SH3RF2: variants seen among roughly 807,000 people sequenced by gnomAD.
The protein encoded by SH3RF2 is E3 ubiquitin-protein ligase SH3RF2.
SH3RF2 carries 43 observed loss-of-function variants against 59.0 expected under a neutral mutation model. The ratio of observed to expected loss-of-function variants is 0.73; its 90% CI spans 0.57 to 0.94. SH3RF2 has a LOEUF of 0.94. Among genes scored for constraint, SH3RF2 ranks in the 40% least tolerant of loss-of-function variants. The pLI is 0.00. For synonymous variants in SH3RF2, 391 were observed against 391.5 expected, an observed-to-expected ratio of 1.00 and a Z score of 0.01; for missense variants, 930 against 940.1, an observed-to-expected ratio of 0.99 and a Z score of 0.14.
At chr5:145,986,644 G>A (rs547386146) in intron 2 of SH3RF2, among the ~76,000 whole-genome samples, 1 of 152,130 alleles carries the variant, frequency 6.6e-6, no homozygotes, top group Admixed American at 6.5e-5. Context: ...AACAGCTCTG[G>A]GCATTGGCAT....
chr5:146,029,992 G>A (rs559553469), intron 5 of SH3RF2, among the ~76,000 whole-genome samples: 204 of 152,262 alleles, frequency 1.3e-3, no homozygotes, highest in African/African-American at 4.3e-3. Flanking sequence ...AACTGGTTAC[G>A]TATGCAAAGA....
intron 2 of SH3RF2, among the ~76,000 whole-genome samples, chr5:145,971,045 T>C (rs1759060110): frequency 6.6e-6 from 1 of 152,152 alleles, no homozygotes; most frequent in South Asian, 2.1e-4. Flanking sequence ...AAGTCTCTAG[T>C]CTTGAGGCAT....
At chr5:145,987,080 T>G (rs763377132) in intron 2 of SH3RF2, among the ~76,000 whole-genome samples, 2 of 152,178 alleles carry the variant, frequency 1.3e-5, no homozygotes, top group Non-Finnish European at 2.9e-5. Context: ...TGTCTTAGCA[T>G]TCTACCAAAG....
In SH3RF2 at chr5:145,995,007, T is replaced by TA. The variant is rs34904079; in HGVS notation, c.379-5042dup. ...TCTCTTTTCTGTTTTTCATAAATAA[T>TA]AAAAAAAAAGCCTCACAGTTCATTC... On this transcript the variant is annotated intron_variant, in intron 2 of 9. Coordinates refer to ENST00000359120, the MANE Select transcript of SH3RF2 (RefSeq NM_152550.4). Among the ~76,000 whole-genome samples the TA allele has an allele frequency of 7.3e-3, 1,094 of 150,306 alleles. 13 individuals carry two copies. The highest frequency in any genetic ancestry group is 0.02 in the African/African-American group (808 of 41,040).
At chr5:146,040,771 A>G (rs1762097737) in intron 5 of SH3RF2, among the ~76,000 whole-genome samples, 1 of 152,210 alleles carries the variant, frequency 6.6e-6, no homozygotes, top group South Asian at 2.1e-4. Flanking sequence ...TTGCTCATCA[A>G]GAACAGGGAG....
At chr5:145,965,544 T>G (rs1045505507) in intron 2 of SH3RF2, among the ~76,000 whole-genome samples, 2 of 152,238 alleles carry the variant, frequency 1.3e-5, no homozygotes, top group Admixed American at 1.3e-4. Flanking sequence ...TTCAGTTATA[T>G]TCATTTCAAC....
At chr5:145,941,752 C>T (rs1363387826) in intron 2 of SH3RF2, among the ~76,000 whole-genome samples, 1 of 152,200 alleles carries the variant, frequency 6.6e-6, no homozygotes, top group Non-Finnish European at 1.5e-5. Context: ...ACTTAAACCT[C>T]AGGTCCTCCA....
chr5:145,965,073 A>G (rs1356062271), intron 2 of SH3RF2, among the ~76,000 whole-genome samples: 2 of 152,068 alleles, frequency 1.3e-5, no homozygotes, highest in Non-Finnish European at 2.9e-5. Flanking sequence ...TGCACCTGTA[A>G]TCCCAGCTAC....
intron 2 of SH3RF2, among the ~76,000 whole-genome samples, chr5:145,946,912 T>A (rs1414285803): frequency 1.3e-5 from 2 of 152,222 alleles, no homozygotes; most frequent in African/African-American, 4.8e-5. Flanking sequence ...ATGGCCCCTG[T>A]ACTTGTGCTG....
At chr5:145,978,839 A>T (rs1333682996) in intron 2 of SH3RF2, among the ~76,000 whole-genome samples, 1 of 152,184 alleles carries the variant, frequency 6.6e-6, no homozygotes, top group African/African-American at 2.4e-5. Flanking sequence ...CAGGTTTTAA[A>T]GATAGACTTT....
chr5:146,035,084 C>T (rs1276658869), intron 5 of SH3RF2, among the ~76,000 whole-genome samples: 3 of 146,486 alleles, frequency 2.0e-5, no homozygotes, highest in Non-Finnish European at 4.5e-5. Flanking sequence ...CCAGCCTGGG[C>T]GATGAAGTGA....
chr5:146,080,501 T>C (rs1763405570), exon 10 of SH3RF2: 1 of 152,186 alleles, frequency 6.6e-6, no homozygotes. Context: ...AAACCTTCCA[T>C]ATATAAAACA....
At chr5:146,072,730 G>GGA (rs1561776959) in intron 9 of SH3RF2, among the ~76,000 whole-genome samples, 2 of 152,106 alleles carry the variant, frequency 1.3e-5, no homozygotes, top group South Asian at 2.1e-4. Context: ...CTAAATGCAG[G>GGA]TACCTAGTGA....
chr5:146,026,881 A>G (rs1458412484), intron 5 of SH3RF2, among the ~76,000 whole-genome samples: 1 of 152,198 alleles, frequency 6.6e-6, no homozygotes, highest in Non-Finnish European at 1.5e-5. Flanking sequence ...AGGATAAAAC[A>G]AGGCAATGCT....
chr5:146,001,292 T>C (rs536724928), intron 3 of SH3RF2, among the ~76,000 whole-genome samples: 4 of 152,358 alleles, frequency 2.6e-5, no homozygotes, highest in Admixed American at 1.3e-4. Flanking sequence ...TCGTGATAAG[T>C]AGATCAAATG....
intron 2 of SH3RF2, chr5:145,997,870 C>A: frequency 9.5e-7 from 1 of 1,054,422 alleles, no homozygotes; most frequent in Non-Finnish European, 1.5e-6. Context: ...TGCTCAGTGC[C>A]CTTGCCAACA....
intron 2 of SH3RF2, among the ~76,000 whole-genome samples, chr5:145,950,872 G>A (rs1758167185): frequency 6.6e-6 from 1 of 152,170 alleles, no homozygotes; most frequent in Admixed American, 6.5e-5. Flanking sequence ...CTGAAATTCA[G>A]GAAACTCTGC....
chr5:145,938,978 G>A (rs1757705758), intron 2 of SH3RF2, among the ~76,000 whole-genome samples: 1 of 152,254 alleles, frequency 6.6e-6, no homozygotes, highest in South Asian at 2.1e-4. Context: ...ATACACAGCA[G>A]GGGCTGCAAT....
At chr5:145,969,416 A>G (rs902575437) in intron 2 of SH3RF2, among the ~76,000 whole-genome samples, 2 of 152,204 alleles carry the variant, frequency 1.3e-5, no homozygotes, top group Non-Finnish European at 2.9e-5. Flanking sequence ...AGACAACAAA[A>G]GATGTTCACT....
Sources: allele counts gnomAD v4.1 joint callset (sites outside exome capture counted in the v4.1 genomes callset), GRCh38; gene constraint gnomAD v4.1.1; transcripts MANE v1.5; gene names NCBI Gene and HGNC (gene_info 2026-07-23, HGNC 2026-07-21).